RMI1: variants seen among roughly 807,000 people sequenced by gnomAD.
RMI1 encodes the protein recQ-mediated genome instability protein 1.
RMI1 carries 36 observed loss-of-function variants against 46.7 expected under a neutral mutation model. The ratio of observed to expected loss-of-function variants is 0.77; its 90% CI spans 0.59 to 1.02. The LOEUF is 1.02. Among genes scored for constraint, RMI1 ranks in the 50% least tolerant of loss-of-function variants. The pLI, the probability that RMI1 is intolerant of heterozygous loss-of-function variation, is 0.00. For missense variants in RMI1, 676 were observed against 713.7 expected (o/e 0.95, Z 0.60); for synonymous variants, 250 against 252.9 (o/e 0.99, Z 0.11).
At position 84,002,471 on chromosome 9, in the gene RMI1, T is replaced by C; in HGVS notation, c.1485T>C (p.Ser495=). The C allele has an allele frequency of 6.2e-7, 1 of 1,613,982 alleles. No homozygotes were observed. Among genetic ancestry groups the C allele is most frequent in the Non-Finnish European group, 8.5e-7 (1 of 1,179,944 alleles). The part of the protein sequence containing the change: ...DLYSPPFVYL[S]VLMASKPKEV... Reference sequence around the variant, plus strand: ...ATTCTCCACCCTTTGTCTATTTGTCTGTTCTAATGGCCAGCAAACCAAAGG... The same window carrying C: ...ATTCTCCACCCTTTGTCTATTTGTCCGTTCTAATGGCCAGCAAACCAAAGG... The change falls in exon 3 of 3, where the codon TCT becomes TCC. Residue 495 remains serine (S), a synonymous_variant. Transcript: ENST00000445877.
Position 84,002,109 on chromosome 9 carries a change from GA to G in RMI1, c.1130del (p.Asn377MetfsTer6). ...CAAAAATGGAAACAATAATTGGAGTGAAAAAAATGTATCTGAACAAATGACT... is the reference window on the plus strand; with the variant it reads ...CAAAAATGGAAACAATAATTGGAGTGAAAAAATGTATCTGAACAAATGACT... The part of the protein sequence containing the change: ...TCKNGNNNWS[E>X]KNVSEQMTNE... On this transcript the variant is annotated frameshift_variant, in exon 3 of 3. Transcript: ENST00000445877. LOFTEE classifies it high-confidence loss of function. The G allele has an allele frequency of 6.2e-7, 1 of 1,613,588 alleles. No homozygotes were observed. Among genetic ancestry groups the G allele is most frequent in the South Asian group, 1.1e-5 (1 of 91,036 alleles).
At chr9:84,000,873 T>C (rs1022680715) in intron 2 of RMI1, 78 bp from the exon 3 acceptor site, 2 of 729,904 alleles carry the variant, frequency 2.7e-6, no homozygotes, top group African/African-American at 3.6e-5. Context: ...GGTGTGCCTG[T>C]CTGTGCATTG....
At chr9:83,996,858 A>G (rs1957661035) in intron 1 of RMI1, among the ~76,000 whole-genome samples, 1 of 152,124 alleles carries the variant, frequency 6.6e-6, no homozygotes, top group African/African-American at 2.4e-5. Context: ...GGGGGAGGGC[A>G]GAGAGGGAGA....
intron 1 of RMI1, among the ~76,000 whole-genome samples, chr9:83,982,226 G>A (rs552200078): frequency 6.6e-6 from 1 of 152,332 alleles, no homozygotes; most frequent in East Asian, 1.9e-4. Context: ...TAAAACCTGA[G>A]ACATGTCACT....
At chr9:84,000,114 A>G (rs777356822) in intron 2 of RMI1, among the ~76,000 whole-genome samples, 6 of 152,230 alleles carry the variant, frequency 3.9e-5, no homozygotes, top group Non-Finnish European at 8.8e-5. Flanking sequence ...ATGTTTTAAT[A>G]GAGTTAAATT....
intron 1 of RMI1, among the ~76,000 whole-genome samples, chr9:83,984,518 C>T (rs1427955876): frequency 2.8e-5 from 4 of 145,076 alleles, no homozygotes; most frequent in South Asian, 2.2e-4. Flanking sequence ...GTGATCCACC[C>T]GCCTTGGCCT....
Position 84,001,186 on chromosome 9 carries a change from C to G in RMI1, c.200C>G (p.Pro67Arg), listed in dbSNP as rs1957730805. 1 of 1,614,088 alleles carries G rather than the reference C, an allele frequency of 6.2e-7. No homozygotes were observed. The change falls in exon 3 of 3, where the codon CCT becomes CGT. Residue 67 changes from proline to arginine, a missense_variant. Coordinates refer to ENST00000445877, the MANE Select transcript of RMI1 (RefSeq NM_001358291.2). ...LLTDLRDLEH[P>R]LLPDGILEIP... ...ACTGATCTGAGGGATTTGGAGCATC[C>G]TCTTTTACCCGATGGCATTTTAGAA...
chr9:83,981,478 T>C (rs1245499144), intron 1 of RMI1, among the ~76,000 whole-genome samples: 1 of 152,204 alleles, frequency 6.6e-6, no homozygotes, highest in Non-Finnish European at 1.5e-5. Context: ...AGCGCACACT[T>C]GCATTGTATT....
intron 1 of RMI1, among the ~76,000 whole-genome samples, chr9:83,988,288 A>G (rs1957521688): frequency 6.6e-6 from 1 of 152,128 alleles, no homozygotes; most frequent in Non-Finnish European, 1.5e-5. Flanking sequence ...GATTTCTAAG[A>G]AAATGCTAAA....
chr9:83,995,456 C>A (rs1957636660), intron 1 of RMI1, among the ~76,000 whole-genome samples: 1 of 141,600 alleles, frequency 7.1e-6, no homozygotes, highest in South Asian at 2.2e-4. Flanking sequence ...AGACAAGAGT[C>A]TCACTCTGTT....
chr9:83,990,393 C>T (rs1051442653), intron 1 of RMI1, among the ~76,000 whole-genome samples: 1 of 151,834 alleles, frequency 6.6e-6, no homozygotes, highest in African/African-American at 2.4e-5. Flanking sequence ...GTGACTAGTC[C>T]CAGCTACTTG....
At chr9:83,984,064 A>C (rs2133099338) in intron 1 of RMI1, among the ~76,000 whole-genome samples, 1 of 151,832 alleles carries the variant, frequency 6.6e-6, no homozygotes, top group Admixed American at 6.6e-5. Flanking sequence ...CTTTGTCTTT[A>C]TTTATTTTGT....
chr9:83,992,188 G>T (rs1020674315), intron 1 of RMI1, among the ~76,000 whole-genome samples: 29 of 152,232 alleles, frequency 1.9e-4, no homozygotes, highest in African/African-American at 7.0e-4. Flanking sequence ...TCAGCATAGT[G>T]TTTGCCTTTT....
At chr9:83,981,497 T>C (rs1208265842) in intron 1 of RMI1, among the ~76,000 whole-genome samples, 3 of 152,178 alleles carry the variant, frequency 2.0e-5, no homozygotes, top group Non-Finnish European at 4.4e-5. Context: ...TTCGGTTCCT[T>C]ACTTTTAAGG....
intron 1 of RMI1, among the ~76,000 whole-genome samples, chr9:83,996,559 CT>C (rs1195622991): frequency 6.6e-6 from 1 of 152,096 alleles, no homozygotes; most frequent in Non-Finnish European, 1.5e-5. Flanking sequence ...AAATTTTTGT[CT>C]AGTTTCTTGT....
Position 84,002,705 on chromosome 9 carries a change from G to A in RMI1, c.1719G>A (p.Lys573=). Residue 573 remains lysine, a synonymous_variant, in exon 3 of 3, where the codon AAG becomes AAA. Coordinates refer to ENST00000445877, the MANE Select transcript of RMI1 (RefSeq NM_001358291.2). ...QSKKDPLQYQ[K]FLEGLQKCQR... is the part of the protein sequence containing the mutation. ...AAAAGGATCCTCTTCAATACCAAAAGTTCCTGGAAGGGTTGCAGAAATGTC... is the reference window on the plus strand; with the variant it reads ...AAAAGGATCCTCTTCAATACCAAAAATTCCTGGAAGGGTTGCAGAAATGTC... 1 of 1,613,936 alleles carries A rather than the reference G, an allele frequency of 6.2e-7. No homozygotes were observed. Among genetic ancestry groups the A allele is most frequent in the Non-Finnish European group, 8.5e-7 (1 of 1,179,932 alleles).
At chr9:83,984,989 C>G (rs1957470063) in intron 1 of RMI1, among the ~76,000 whole-genome samples, 1 of 152,182 alleles carries the variant, frequency 6.6e-6, no homozygotes, top group Non-Finnish European at 1.5e-5. Flanking sequence ...CCCTTGCTAA[C>G]CTCTGCCTCT....
At chr9:83,989,115 T>A (rs1360035513) in intron 1 of RMI1, among the ~76,000 whole-genome samples, 5 of 152,204 alleles carry the variant, frequency 3.3e-5, no homozygotes, top group Admixed American at 3.3e-4. Flanking sequence ...TGCCTTGGTC[T>A]CCCAAAGTGC....
At chr9:83,985,358 TA>T (rs1220817651) in intron 1 of RMI1, among the ~76,000 whole-genome samples, 2 of 152,238 alleles carry the variant, frequency 1.3e-5, no homozygotes, top group African/African-American at 4.8e-5. Flanking sequence ...AGATGTATGT[TA>T]GCAGTTATTT....
Sources: allele counts gnomAD v4.1 joint callset (sites outside exome capture counted in the v4.1 genomes callset), GRCh38; gene constraint gnomAD v4.1.1; transcripts MANE v1.5; gene names NCBI Gene and HGNC (gene_info 2026-07-23, HGNC 2026-07-21).